The following IL1RAPL2 variants were observed in gnomAD, a reference collection of about 807,000 sequenced individuals.
IL1RAPL2 encodes X-linked interleukin-1 receptor accessory protein-like 2.
IL1RAPL2 carries 3 observed loss-of-function variants against 44.1 expected under a neutral mutation model. That is an observed-to-expected ratio of 0.07 (90% CI 0.03 to 0.18). IL1RAPL2 has a LOEUF of 0.18. IL1RAPL2 is among the 10% of genes least tolerant of loss of function. The pLI, the probability that IL1RAPL2 is intolerant of heterozygous loss-of-function variation, is 1.00. For missense variants in IL1RAPL2, 391 were observed against 496.4 expected, an observed-to-expected ratio of 0.79 and a Z score of 2.02; for synonymous variants, 181 against 178.8, an observed-to-expected ratio of 1.01 and a Z score of -0.10.
intron 8 of IL1RAPL2, among the ~76,000 whole-genome samples, chrX:105,743,520 T>A (rs1269682545): frequency 2.7e-5 from 3 of 111,887 alleles, no homozygotes; most frequent in South Asian, 7.4e-4. Flanking sequence ...ACCTTCTTCA[T>A]AGGTATTTTC....
chrX:105,690,324 A>G (rs1435943210), intron 6 of IL1RAPL2, among the ~76,000 whole-genome samples: 1 of 111,904 alleles, frequency 8.9e-6, no homozygotes, highest in Non-Finnish European at 1.9e-5. Context: ...GACATACTAT[A>G]AAACATAATT....
chrX:104,673,522 C>G (rs1292230643), intron 2 of IL1RAPL2, among the ~76,000 whole-genome samples: 7 of 110,907 alleles, frequency 6.3e-5, no homozygotes, highest in Non-Finnish European at 1.3e-4. Flanking sequence ...AGTTTGAAGT[C>G]AGGTAGTGTG....
At chrX:105,351,157 AC>A (rs1265392013) in intron 5 of IL1RAPL2, among the ~76,000 whole-genome samples, 1 of 111,740 alleles carries the variant, frequency 8.9e-6, no homozygotes, top group Non-Finnish European at 1.9e-5. Flanking sequence ...AAACAGGAAC[AC>A]TTTTACACTG....
At chrX:105,078,227 C>A (rs192330644) in intron 2 of IL1RAPL2, among the ~76,000 whole-genome samples, 10 of 111,422 alleles carry the variant, frequency 9.0e-5, no homozygotes, top group African/African-American at 3.3e-4. Context: ...GATGTCCTTT[C>A]TGTTTGTCAG....
intron 6 of IL1RAPL2, among the ~76,000 whole-genome samples, chrX:105,529,706 G>A (rs1445331271): frequency 9.0e-6 from 1 of 111,532 alleles, no homozygotes; most frequent in Non-Finnish European, 1.9e-5. Context: ...AACTGAAACT[G>A]TACCAATTAA....
chrX:104,973,920 T>C (rs1037417161), intron 2 of IL1RAPL2, among the ~76,000 whole-genome samples: 8 of 112,326 alleles, frequency 7.1e-5, no homozygotes, highest in African/African-American at 2.6e-4. Flanking sequence ...TTTCTGTCAA[T>C]AGCATTTTTT....
At chrX:104,846,588 G>A (rs758795050) in intron 2 of IL1RAPL2, among the ~76,000 whole-genome samples, 2 of 111,910 alleles carry the variant, frequency 1.8e-5, no homozygotes, top group Non-Finnish European at 3.8e-5. Context: ...TCTTAATCCA[G>A]TCTATCATTG....
intron 5 of IL1RAPL2, among the ~76,000 whole-genome samples, chrX:105,443,464 T>C (rs987849014): frequency 3.6e-5 from 4 of 111,704 alleles, no homozygotes; most frequent in African/African-American, 9.8e-5. Flanking sequence ...CTATTTCTTT[T>C]ATACCCATTA....
At chrX:105,383,422 A>G (rs2035452541) in intron 5 of IL1RAPL2, among the ~76,000 whole-genome samples, 1 of 112,169 alleles carries the variant, frequency 8.9e-6, no homozygotes, top group African/African-American at 3.2e-5. Flanking sequence ...ATTTTGTTAC[A>G]AATGACAGAA....
intron 2 of IL1RAPL2, among the ~76,000 whole-genome samples, chrX:105,081,486 G>T (rs1328726775): frequency 9.0e-6 from 1 of 111,249 alleles, no homozygotes; most frequent in African/African-American, 3.3e-5. Flanking sequence ...TCTGTTTCTT[G>T]CTTTACCTCA....
chrX:104,987,954 G>A (rs187031511), intron 2 of IL1RAPL2, among the ~76,000 whole-genome samples: 2 of 111,801 alleles, frequency 1.8e-5, no homozygotes, highest in East Asian at 5.6e-4. Context: ...TAAATGCTTA[G>A]TTTATCTTGC....
intron 6 of IL1RAPL2, among the ~76,000 whole-genome samples, chrX:105,673,621 A>G (rs770096812): frequency 5.4e-5 from 6 of 112,089 alleles, no homozygotes; most frequent in South Asian, 3.7e-4. Flanking sequence ...TAGTGCTGCA[A>G]TGAACATACA....
chrX:105,470,736 T>A (rs1341188756), intron 5 of IL1RAPL2, among the ~76,000 whole-genome samples: 1 of 111,955 alleles, frequency 8.9e-6, no homozygotes, highest in African/African-American at 3.2e-5. Flanking sequence ...GGAGAATATG[T>A]GGTCCTCTTA....
chrX:104,999,825 A>G (rs1334787777), intron 2 of IL1RAPL2, among the ~76,000 whole-genome samples: 1 of 111,571 alleles, frequency 9.0e-6, no homozygotes, highest in Non-Finnish European at 1.9e-5. Context: ...GTATGTGATA[A>G]TACCCAATGA....
chrX:105,680,086 C>T (rs1419203006), intron 6 of IL1RAPL2, among the ~76,000 whole-genome samples: 1 of 110,914 alleles, frequency 9.0e-6, no homozygotes, highest in Non-Finnish European at 1.9e-5. Context: ...CTGCAACCTC[C>T]GCCTCCCAGG....
At chrX:105,721,474 C>A (rs1288707565) in intron 7 of IL1RAPL2, among the ~76,000 whole-genome samples, 1 of 111,449 alleles carries the variant, frequency 9.0e-6, no homozygotes, top group Non-Finnish European at 1.9e-5. Context: ...CTTTACACAC[C>A]TTTCTTTAGT....
intron 6 of IL1RAPL2, among the ~76,000 whole-genome samples, chrX:105,685,847 G>A (rs1016917280): frequency 2.7e-5 from 3 of 111,918 alleles, no homozygotes; most frequent in Admixed American, 9.5e-5. Context: ...GACTAACAGC[G>A]AATCTCTCAG....
At chrX:104,979,322 G>A (rs183090430) in intron 2 of IL1RAPL2, among the ~76,000 whole-genome samples, 40 of 111,670 alleles carry the variant, frequency 3.6e-4, no homozygotes, top group Admixed American at 3.1e-3. Context: ...AATTATATGA[G>A]TGAAACTCTA....
At chrX:104,657,910 CAAT>C (rs918369588) in intron 1 of IL1RAPL2, among the ~76,000 whole-genome samples, 1 of 112,153 alleles carries the variant, frequency 8.9e-6, no homozygotes, top group African/African-American at 3.2e-5. Flanking sequence ...ATCAAAACCA[CAAT>C]GAGATACCAT....
Sources: gnomAD v4.1 joint callset for allele counts (sites outside exome capture counted in the v4.1 genomes callset) on GRCh38, gnomAD v4.1.1 for gene constraint, MANE v1.5 for transcripts, NCBI Gene and HGNC (gene_info 2026-07-23, HGNC 2026-07-21) for gene names.